The following ARHGAP23 variants were observed in gnomAD, a reference collection of about 807,000 sequenced individuals.
The protein encoded by ARHGAP23 is Rho GTPase activating protein 23.
Under a neutral mutation model 136.3 loss-of-function variants are expected in ARHGAP23, and 34 were observed. The observed-to-expected ratio is 0.25, with a 90% CI of 0.19 to 0.33. The LOEUF is 0.33. Ranked by LOEUF, ARHGAP23 falls within the 10% of genes least tolerant of loss-of-function variation. The probability of loss-of-function intolerance (pLI) is 1.00; values close to 1 mark genes in which losing one functional copy is unlikely to be tolerated. For synonymous variants in ARHGAP23, 832 were observed against 920.5 expected (o/e 0.90, Z 1.74); for missense variants, 1,808 against 2,139.0 (o/e 0.85, Z 3.05).
chr17:38,469,177 C>A lies in ARHGAP23; in HGVS notation c.1682C>A (p.Ala561Asp). Residue 561 changes from alanine to aspartate, a missense_variant, in exon 8 of 24, where the codon GCC (alanine) becomes GAC (aspartate). This residue lies in a region of ARHGAP23 where 859 missense variants were observed against 936.4 expected (regional missense o/e 0.92). Transcript: ENST00000622683. ...EPTSPSIDLQ[A>D]KHVPASAVVS... is the part of the protein sequence containing the mutation. ...ACCAGCCCCAGCATTGACCTCCAAGCCAAGCACGTCCCTGCCTCTGCTGTG... is the reference window on the plus strand; with the variant it reads ...ACCAGCCCCAGCATTGACCTCCAAGACAAGCACGTCCCTGCCTCTGCTGTG... 6.4e-7 allele frequency: 1 copy of A among 1,551,456 alleles called. No homozygotes were observed.
intron 20 of ARHGAP23, among the ~76,000 whole-genome samples, chr17:38,492,030 G>A (rs2040290049): frequency 6.6e-6 from 1 of 152,198 alleles, no homozygotes; most frequent in South Asian, 2.1e-4. Context: ...GATGGGGCAG[G>A]GCACAGGGCC....
chr17:38,463,626 C>T (rs1036633250), intron 6 of ARHGAP23, among the ~76,000 whole-genome samples: 2 of 152,122 alleles, frequency 1.3e-5, no homozygotes, highest in African/African-American at 2.4e-5. Context: ...GGAGGGTGGC[C>T]CAGCAGGCTC....
chr17:38,469,382 T>C, intron 8 of ARHGAP23, 83 bp downstream of exon 8: 3 of 1,474,684 alleles, frequency 2.0e-6, no homozygotes, highest in Non-Finnish European at 2.7e-6. Context: ...CTGCTTGATG[T>C]CTGGCCTCTT....
intron 1 of ARHGAP23, chr17:38,457,847 G>A: frequency 8.7e-6 from 5 of 574,238 alleles, no homozygotes; most frequent in Non-Finnish European, 9.2e-6. Context: ...GCTTCAGTGA[G>A]TTATTTTCCC....
At chr17:38,463,870 C>T (rs868118064) in intron 6 of ARHGAP23, among the ~76,000 whole-genome samples, 1 of 152,232 alleles carries the variant, frequency 6.6e-6, no homozygotes. Flanking sequence ...CTGTATAGCA[C>T]GAAGCACACC....
chr17:38,480,240 C>T (rs915735096), intron 14 of ARHGAP23, among the ~76,000 whole-genome samples: 2 of 152,184 alleles, frequency 1.3e-5, no homozygotes, highest in African/African-American at 2.4e-5. Flanking sequence ...GTGGCTCACA[C>T]GTGTAATCCC....
chr17:38,442,783 T>C (rs1005876897), intron 1 of ARHGAP23, among the ~76,000 whole-genome samples: 1 of 151,714 alleles, frequency 6.6e-6, no homozygotes, highest in African/African-American at 2.4e-5. Flanking sequence ...AGGAAGAGGG[T>C]GTGGTGAGTG....
chr17:38,434,265 G>A (rs559445608), intron 1 of ARHGAP23, among the ~76,000 whole-genome samples: 15 of 152,348 alleles, frequency 9.8e-5, no homozygotes, highest in African/African-American at 3.6e-4. Context: ...CAAGGAGCCC[G>A]GGCCCGTAAG....
intron 1 of ARHGAP23, among the ~76,000 whole-genome samples, chr17:38,422,824 A>G (rs1486683803): frequency 6.6e-6 from 1 of 152,200 alleles, no homozygotes; most frequent in African/African-American, 2.4e-5. Flanking sequence ...ACCAGGGATG[A>G]GTGGGAACTG....
At chr17:38,460,383 C>G (rs1279938067) in intron 2 of ARHGAP23, among the ~76,000 whole-genome samples, 1 of 152,152 alleles carries the variant, frequency 6.6e-6, no homozygotes, top group Non-Finnish European at 1.5e-5. Context: ...CGATTCAGCC[C>G]CTGGTGTGCT....
Position 38,466,994 on chromosome 17 carries a change from C to T in ARHGAP23, c.1311C>T (p.Ser437=). 1 of 1,550,734 alleles carries T rather than the reference C, an allele frequency of 6.4e-7. No homozygotes were observed. Among genetic ancestry groups the T allele is most frequent in the Non-Finnish European group, 8.7e-7 (1 of 1,146,980 alleles). ...GGACCGGCCTCCTCCATGCGCTCTC[C>T]TTCCGGGACTCACCCTTTGGGGGGC... ...QRRTGLLHAL[S]FRDSPFGGLP... The change falls in exon 7 of 24, where the codon TCC becomes TCT. Residue 437 remains serine, a synonymous_variant. Transcript: ENST00000622683.
intron 1 of ARHGAP23, among the ~76,000 whole-genome samples, chr17:38,436,570 TCCAGG>T (rs2038803118): frequency 6.6e-6 from 1 of 152,238 alleles, no homozygotes; most frequent in Admixed American, 6.5e-5. Flanking sequence ...TGCTCTGCGT[TCCAGG>T]CTCTCTCTTG....
chr17:38,488,307 A>T (rs1362573653), intron 17 of ARHGAP23, among the ~76,000 whole-genome samples: 1 of 152,124 alleles, frequency 6.6e-6, no homozygotes, highest in Admixed American at 6.5e-5. Flanking sequence ...TACTAGGGAG[A>T]TTAAATCTTT....
At chr17:38,463,717 G>A (rs2039515160) in intron 6 of ARHGAP23, among the ~76,000 whole-genome samples, 1 of 152,056 alleles carries the variant, frequency 6.6e-6, no homozygotes, top group South Asian at 2.1e-4. Flanking sequence ...CCTGAGTGAG[G>A]GTGTCTCTGG....
intron 2 of ARHGAP23, among the ~76,000 whole-genome samples, chr17:38,460,663 T>C (rs962302877): frequency 6.6e-6 from 1 of 152,192 alleles, no homozygotes; most frequent in Non-Finnish European, 1.5e-5. Flanking sequence ...CTTGGGTCAC[T>C]TGTTGGATTG....
upstream of ARHGAP23, among the ~76,000 whole-genome samples, chr17:38,423,528 C>T (rs921974388): frequency 5.3e-5 from 8 of 151,860 alleles, no homozygotes; most frequent in East Asian, 3.9e-4. Flanking sequence ...CACACCACCA[C>T]GCCTGGCTAA....
At chr17:38,488,022 C>G (rs2040195750) in intron 17 of ARHGAP23, among the ~76,000 whole-genome samples, 3 of 152,204 alleles carry the variant, frequency 2.0e-5, no homozygotes, top group African/African-American at 7.2e-5. Context: ...CCATCTCAGC[C>G]TCCTGAGTAG....
chr17:38,475,660 T>C (rs1012640799), intron 11 of ARHGAP23, among the ~76,000 whole-genome samples: 1 of 152,236 alleles, frequency 6.6e-6, no homozygotes, highest in African/African-American at 2.4e-5. Context: ...GAGATGGAGC[T>C]CCTGCCCTCA....
At chr17:38,485,893 C>T (rs1186304346) in intron 16 of ARHGAP23, among the ~76,000 whole-genome samples, 169 bp from the exon 17 acceptor site, 1 of 152,174 alleles carries the variant, frequency 6.6e-6, no homozygotes, top group East Asian at 1.9e-4. Context: ...GGCACAGGAC[C>T]TCTCTGGGGA....
Sources: gnomAD v4.1 joint callset for allele counts (sites outside exome capture counted in the v4.1 genomes callset) on GRCh38, gnomAD v4.1.1 for gene constraint, gnomAD v4.1.1 regional missense constraint, MANE v1.5 for transcripts, NCBI Gene and HGNC (gene_info 2026-07-23, HGNC 2026-07-21) for gene names.